ERBB4: variants seen among roughly 807,000 people sequenced by gnomAD.
The protein encoded by ERBB4 is erb-b2 receptor tyrosine kinase 4, also known as receptor tyrosine-protein kinase erbB-4.
In ERBB4, 42 loss-of-function variants were observed where a neutral mutation model predicts 158.0. That is an observed-to-expected ratio of 0.27 (90% CI 0.21 to 0.34). The LOEUF (loss-of-function observed/expected upper bound fraction) is 0.34. Ranked by LOEUF, ERBB4 falls within the 10% of genes least tolerant of loss-of-function variation. The probability of loss-of-function intolerance (pLI) is 1.00; values close to 1 mark genes in which losing one functional copy is unlikely to be tolerated. For synonymous variants in ERBB4, 583 were observed against 558.7 expected (o/e 1.04, Z -0.61); for missense variants, 1,333 against 1,624.1 (o/e 0.82, Z 3.08).
intron 20 of ERBB4, among the ~76,000 whole-genome samples, chr2:211,436,176 T>C (rs943618063): frequency 3.9e-5 from 6 of 152,214 alleles, no homozygotes; most frequent in Admixed American, 3.3e-4. Context: ...AAAAAACTAT[T>C]ATCTGGTGTT....
intron 1 of ERBB4, among the ~76,000 whole-genome samples, chr2:212,215,340 A>G (rs1420144949): frequency 2.0e-5 from 3 of 151,556 alleles, no homozygotes; most frequent in Non-Finnish European, 3.0e-5. Context: ...ATGTACATTG[A>G]AAAATTTAGA....
At chr2:211,834,120 T>C (rs1049753751) in intron 3 of ERBB4, among the ~76,000 whole-genome samples, 3 of 152,160 alleles carry the variant, frequency 2.0e-5, no homozygotes, top group Non-Finnish European at 2.9e-5. Flanking sequence ...ATGGGTTGCA[T>C]ATTTTTATGA....
At chr2:211,836,971 C>T (rs974076006) in intron 3 of ERBB4, among the ~76,000 whole-genome samples, 19 of 151,846 alleles carry the variant, frequency 1.3e-4, no homozygotes, top group African/African-American at 4.6e-4. Context: ...TGTTCCATCT[C>T]TAAAAAAGGA....
intron 3 of ERBB4, among the ~76,000 whole-genome samples, chr2:211,945,509 A>C (rs1026191535): frequency 6.6e-6 from 1 of 152,066 alleles, no homozygotes; most frequent in Non-Finnish European, 1.5e-5. Flanking sequence ...TAAACAATCA[A>C]CTCATTCTCT....
chr2:212,527,611 C>T (rs536870199), intron 1 of ERBB4, among the ~76,000 whole-genome samples: 1 of 152,044 alleles, frequency 6.6e-6, no homozygotes, highest in Admixed American at 6.6e-5. Context: ...TCACAAGACC[C>T]TGTACTTAAT....
chr2:212,522,625 C>G (rs1010438175), intron 1 of ERBB4, among the ~76,000 whole-genome samples: 2 of 151,908 alleles, frequency 1.3e-5, no homozygotes, highest in African/African-American at 4.8e-5. Context: ...CACAGCCAGA[C>G]AGAAGCATTG....
At chr2:212,250,135 T>C (rs16848087) in intron 1 of ERBB4, among the ~76,000 whole-genome samples, 11,629 of 152,072 alleles carry the variant, frequency 0.076, 480 homozygotes, top group African/African-American at 0.085. Flanking sequence ...AAAAATACTT[T>C]AGATGTTTCC....
intron 20 of ERBB4, among the ~76,000 whole-genome samples, chr2:211,549,571 C>T (rs1333923858): frequency 2.0e-5 from 3 of 152,076 alleles, no homozygotes; most frequent in Non-Finnish European, 4.4e-5. Flanking sequence ...AGTTATGTGG[C>T]AAAGAGCCTC....
At chr2:212,158,576 C>G (rs1263948621) in intron 1 of ERBB4, among the ~76,000 whole-genome samples, 1 of 151,848 alleles carries the variant, frequency 6.6e-6, no homozygotes, top group African/African-American at 2.4e-5. Flanking sequence ...CTTTTTGGAC[C>G]TCATTATATT....
At chr2:211,524,657 G>GCCGGCTGCCCCGAGTGCTCCGGCTGCT (rs2066290904) in intron 20 of ERBB4, among the ~76,000 whole-genome samples, 1 of 144,406 alleles carries the variant, frequency 6.9e-6, no homozygotes, top group African/African-American at 2.6e-5. Flanking sequence ...CGGCAGGGCC[G>GCCGGCTGCCCCGAGTGCTCCGGCTGCT]CCGGCTGCTC....
At chr2:212,224,384 G>A (rs963308174) in intron 1 of ERBB4, among the ~76,000 whole-genome samples, 1 of 151,880 alleles carries the variant, frequency 6.6e-6, no homozygotes, top group Non-Finnish European at 1.5e-5. Flanking sequence ...GAAATAATGT[G>A]GGTGGGATGA....
intron 1 of ERBB4, among the ~76,000 whole-genome samples, chr2:212,305,003 T>A (rs867497060): frequency 6.6e-6 from 1 of 151,396 alleles, no homozygotes; most frequent in African/African-American, 2.4e-5. Context: ...AAATTTAACA[T>A]TAAAATACTA....
intron 4 of ERBB4, among the ~76,000 whole-genome samples, chr2:211,766,510 T>G (rs1483706444): frequency 6.6e-6 from 1 of 152,240 alleles, no homozygotes; most frequent in African/African-American, 2.4e-5. Context: ...TTTCAGTTAT[T>G]CATAAACATC....
At chr2:211,738,067 C>T (rs1470698146) in intron 5 of ERBB4, among the ~76,000 whole-genome samples, 1 of 151,958 alleles carries the variant, frequency 6.6e-6, no homozygotes, top group East Asian at 1.9e-4. Context: ...CAAGAAAATG[C>T]ATATTTTTAA....
intron 20 of ERBB4, among the ~76,000 whole-genome samples, chr2:211,478,774 A>T (rs2065016120): frequency 6.6e-6 from 1 of 152,118 alleles, no homozygotes; most frequent in African/African-American, 2.4e-5. Context: ...ATGATAAAAC[A>T]TTATTATGTT....
chr2:211,720,949 A>G (rs1411608755), intron 7 of ERBB4, among the ~76,000 whole-genome samples: 1 of 152,218 alleles, frequency 6.6e-6, no homozygotes, highest in African/African-American at 2.4e-5. Flanking sequence ...ATTTTCAACA[A>G]TATCTCAACA....
chr2:211,442,832 A>G (rs974394987), intron 20 of ERBB4, among the ~76,000 whole-genome samples: 1 of 152,072 alleles, frequency 6.6e-6, no homozygotes, highest in Non-Finnish European at 1.5e-5. Context: ...GTAATGGAAG[A>G]AGTAGAAAGC....
intron 3 of ERBB4, among the ~76,000 whole-genome samples, chr2:211,839,234 G>GAGAAA (rs949627663): frequency 6.0e-5 from 9 of 149,718 alleles, no homozygotes; most frequent in East Asian, 2.0e-4. Context: ...AGAGAAAGAA[G>GAGAAA]AGAAAAGAAA....
intron 19 of ERBB4, among the ~76,000 whole-genome samples, chr2:211,600,727 G>A (rs1270874454): frequency 6.6e-6 from 1 of 152,162 alleles, no homozygotes; most frequent in East Asian, 1.9e-4. Context: ...AGTGGAAAAT[G>A]GGGAAGGGGA....
Sources: gnomAD v4.1 joint callset for allele counts (sites outside exome capture counted in the v4.1 genomes callset) on GRCh38, gnomAD v4.1.1 for gene constraint, MANE v1.5 for transcripts, NCBI Gene and HGNC (gene_info 2026-07-23, HGNC 2026-07-21) for gene names.